Variants in DIP2C observed in about 807,000 individuals in gnomAD.
DIP2C encodes the protein disco-interacting protein 2 homolog C.
A neutral mutation model predicts 192.4 loss-of-function variants in DIP2C; 33 were observed. That is an observed-to-expected ratio of 0.17 (90% CI 0.13 to 0.23). DIP2C has a LOEUF of 0.23. Ranked by LOEUF, DIP2C falls within the 10% of genes least tolerant of loss-of-function variation. The pLI is 1.00. For synonymous variants in DIP2C, 979 were observed against 864.1 expected, an observed-to-expected ratio of 1.13 and a Z score of -2.33; for missense variants, 1,537 against 2,110.1, an observed-to-expected ratio of 0.73 and a Z score of 5.32.
chr10:463,718 G>C (rs182692415), intron 3 of DIP2C, among the ~76,000 whole-genome samples: 1 of 152,104 alleles, frequency 6.6e-6, no homozygotes, highest in African/African-American at 2.4e-5. Flanking sequence ...AAAGCTGGAG[G>C]CATCACACTA....
At chr10:674,709 C>T (rs985552730) in intron 1 of DIP2C, among the ~76,000 whole-genome samples, 2 of 148,266 alleles carry the variant, frequency 1.3e-5, no homozygotes, top group Non-Finnish European at 3.0e-5. Flanking sequence ...GTGGAGGTTG[C>T]AATGAGTCGA....
At chr10:358,261 A>G (rs1328620562) in intron 22 of DIP2C, among the ~76,000 whole-genome samples, 1 of 151,698 alleles carries the variant, frequency 6.6e-6, no homozygotes, top group Non-Finnish European at 1.5e-5. Context: ...ATAAAACGGA[A>G]GACACACACA....
intron 3 of DIP2C, among the ~76,000 whole-genome samples, chr10:444,101 C>T (rs564454736): frequency 3.9e-5 from 6 of 152,206 alleles, no homozygotes; most frequent in African/African-American, 1.4e-4. Flanking sequence ...ACCTGAGACT[C>T]GTGTAGATTC....
At chr10:284,484 G>A (rs1009695279) in intron 34 of DIP2C, among the ~76,000 whole-genome samples, 4 of 152,220 alleles carry the variant, frequency 2.6e-5, no homozygotes, top group Non-Finnish European at 5.9e-5. Flanking sequence ...TGTGCTGAGT[G>A]AGAAGCCAGA....
chr10:548,189 A>G (rs1848388625), intron 1 of DIP2C, among the ~76,000 whole-genome samples: 1 of 137,404 alleles, frequency 7.3e-6, no homozygotes, highest in African/African-American at 2.7e-5. Flanking sequence ...TTTCAGTCCA[A>G]TTCACACGAG....
At chr10:568,765 C>CTAAAAAAAA (rs1849593726) in intron 1 of DIP2C, among the ~76,000 whole-genome samples, 1 of 37,862 alleles carries the variant, frequency 2.6e-5, no homozygotes, top group Non-Finnish European at 4.7e-5. Context: ...AACTCCGTCT[C>CTAAAAAAAA]AAAAAAAAAA....
In DIP2C at chr10:379,381, GCT is replaced by G. The variant is rs541520878; in HGVS notation, c.1991+3264_1991+3265del. 1.2e-3 allele frequency among the ~76,000 whole-genome samples: 188 copies of G among 152,232 alleles called. 1 individual carries two copies. Among genetic ancestry groups the G allele is most frequent in the African/African-American group, 2.9e-3 (120 of 41,540 alleles). ...TGTGAGCCCCAGAACTTTCCGACAT[GCT>G]CTGTTTTGCATGACAGACATTCTAT... On this transcript the variant is annotated intron_variant, in intron 17 of 36. Transcript: ENST00000280886.
At position 514,947 on chromosome 10, in the gene DIP2C, GCT is replaced by G. The variant is rs1491193337; in HGVS notation, c.86-28419_86-28418del. 1.3e-4 allele frequency among the ~76,000 whole-genome samples: 20 copies of G among 152,202 alleles called. No homozygotes were observed. The South Asian group carries it at 3.7e-3, about 28-fold the overall frequency. ...CAACTTCAGTAGTAGCAAAAAACAA[GCT>G]TTTTTTAACTTCTTTTATACAAGCT... On this transcript the variant is annotated intron_variant, in intron 1 of 36. Transcript: ENST00000280886.
intron 1 of DIP2C, among the ~76,000 whole-genome samples, chr10:618,675 G>A (rs816608): frequency 0.73 from 111,092 of 152,244 alleles, 44,338 homozygotes; most frequent in Non-Finnish European, 0.89. Context: ...CTATCACTCA[G>A]CTACAGCCTC....
intron 4 of DIP2C, among the ~76,000 whole-genome samples, chr10:435,614 G>A (rs923602719): frequency 3.3e-5 from 5 of 152,188 alleles, no homozygotes; most frequent in Non-Finnish European, 5.9e-5. Context: ...TGGGGACAGT[G>A]GCTTGCCTGT....
intron 1 of DIP2C, among the ~76,000 whole-genome samples, chr10:524,498 ATATATGTG>A (rs1431306932): frequency 1.3e-5 from 2 of 149,982 alleles, no homozygotes; most frequent in African/African-American, 4.8e-5. Flanking sequence ...TACCTTACAT[ATATATGTG>A]TATATGTGCA....
intron 6 of DIP2C, 29 bp downstream of exon 6, chr10:419,036 A>G (rs921835122): frequency 8.7e-6 from 14 of 1,614,018 alleles, no homozygotes; most frequent in Non-Finnish European, 1.2e-5. Flanking sequence ...GTTTACCAGA[A>G]AAAAACGCAT....
chr10:436,536 C>T (rs777706869), intron 4 of DIP2C, among the ~76,000 whole-genome samples: 10 of 149,614 alleles, frequency 6.7e-5, no homozygotes, highest in Admixed American at 2.0e-4. Context: ...GGCCATGCTC[C>T]ACCCACACCT....
intron 9 of DIP2C, 34 bp from the exon 10 acceptor site, chr10:399,253 G>GTGGGGTCC: frequency 1.9e-6 from 3 of 1,577,442 alleles, no homozygotes; most frequent in Non-Finnish European, 1.7e-6. Flanking sequence ...CAGCATTAAC[G>GTGGGGTCC]TGGGGTCCTG....
intron 32 of DIP2C, among the ~76,000 whole-genome samples, chr10:289,143 C>T (rs143600302): frequency 6.6e-6 from 1 of 152,238 alleles, no homozygotes; most frequent in African/African-American, 2.4e-5. Flanking sequence ...CAAAATAAAG[C>T]AAAGGAGAAA....
chr10:541,695 C>A (rs1847998645), intron 1 of DIP2C, among the ~76,000 whole-genome samples: 1 of 150,858 alleles, frequency 6.6e-6, no homozygotes, highest in Non-Finnish European at 1.5e-5. Flanking sequence ...TGACCCTCCA[C>A]CTGACCACCC....
chr10:602,802 G>C (rs1419337304), intron 1 of DIP2C, among the ~76,000 whole-genome samples: 2 of 152,218 alleles, frequency 1.3e-5, no homozygotes, highest in Non-Finnish European at 2.9e-5. Context: ...CCCAGAACCA[G>C]GGTGTCGATC....
At chr10:593,826 C>T (rs964141568) in intron 1 of DIP2C, among the ~76,000 whole-genome samples, 33 of 152,326 alleles carry the variant, frequency 2.2e-4, no homozygotes, top group African/African-American at 6.5e-4. Context: ...GAGCTTGTCT[C>T]ACTCACCTTC....
chr10:626,770 C>G (rs1165771998), intron 1 of DIP2C, among the ~76,000 whole-genome samples: 1 of 140,908 alleles, frequency 7.1e-6, no homozygotes, highest in African/African-American at 3.2e-5. Context: ...CACTGTTGCC[C>G]AGGAAGGATG....
Sources: allele counts gnomAD v4.1 joint callset (sites outside exome capture counted in the v4.1 genomes callset), GRCh38; gene constraint gnomAD v4.1.1; transcripts MANE v1.5; gene names NCBI Gene and HGNC (gene_info 2026-07-23, HGNC 2026-07-21).